VPS13B: variants seen among roughly 807,000 people sequenced by gnomAD.
VPS13B encodes the protein intermembrane lipid transfer protein VPS13B.
In VPS13B, 285 loss-of-function variants were observed where a neutral mutation model predicts 426.4. That is an observed-to-expected ratio of 0.67 (90% CI 0.61 to 0.74). The LOEUF (loss-of-function observed/expected upper bound fraction) is 0.74. VPS13B is among the 30% of genes least tolerant of loss of function. VPS13B has a pLI of 0.00. For missense variants in VPS13B, 4,537 were observed against 4,782.6 expected (o/e 0.95, Z 1.51); for synonymous variants, 1,676 against 1,676.4 (o/e 1.00, Z 0.01).
chr8:99,445,560 A>G (rs1039573517), intron 23 of VPS13B, among the ~76,000 whole-genome samples: 2 of 150,626 alleles, frequency 1.3e-5, no homozygotes, highest in African/African-American at 4.8e-5. Flanking sequence ...ATATGTAAAT[A>G]TAAACATAAT....
rs1374233787 is a variant in VPS13B, at chr8:99,511,368, A to C, written c.4489A>C (p.Thr1497Pro). The C allele has an allele frequency of 1.9e-6, 3 of 1,613,958 alleles. No homozygotes were observed. The highest frequency in any genetic ancestry group is 1.7e-6 in the Non-Finnish European group (2 of 1,179,974). ...TATATTTCAAGCAAAACTACCAAAGACCCAAAAAGAGAAAAGAAAATCTCC... is the reference window on the plus strand; with the variant it reads ...TATATTTCAAGCAAAACTACCAAAGCCCCAAAAAGAGAAAAGAAAATCTCC... ...ASIFQAKLPK[T>P]QKEKRKSPGQ... The change falls in exon 29 of 62, where the codon ACC becomes CCC. Residue 1497 changes from threonine to proline, a missense_variant. By Grantham distance (38) the Thr-to-Pro change is conservative. This residue lies in a region of VPS13B where 4,311 missense variants were observed against 4,474.3 expected (regional missense o/e 0.96). Coordinates refer to ENST00000357162, the MANE Select transcript of VPS13B (RefSeq NM_152564.5).
chr8:99,660,695 A>T (rs1250485823), intron 34 of VPS13B, among the ~76,000 whole-genome samples: 1 of 152,068 alleles, frequency 6.6e-6, no homozygotes, highest in Non-Finnish European at 1.5e-5. Flanking sequence ...AAAAATATAC[A>T]ATATTACCCA....
intron 39 of VPS13B, among the ~76,000 whole-genome samples, chr8:99,758,710 T>C (rs1235063870): frequency 6.6e-6 from 1 of 152,178 alleles, no homozygotes; most frequent in Non-Finnish European, 1.5e-5. Flanking sequence ...GTCTAGATAC[T>C]GTACCTACTC....
chr8:99,080,785 G>T (rs1411536583), intron 3 of VPS13B, among the ~76,000 whole-genome samples: 1 of 152,130 alleles, frequency 6.6e-6, no homozygotes, highest in African/African-American at 2.4e-5. Flanking sequence ...TTCCTTAGCT[G>T]TCTTAGCATT....
intron 3 of VPS13B, among the ~76,000 whole-genome samples, chr8:99,047,065 T>A (rs1475470549): frequency 2.6e-5 from 4 of 152,202 alleles, no homozygotes; most frequent in Non-Finnish European, 5.9e-5. Context: ...GAGGATTCCC[T>A]CTTTCTCTAT....
chr8:99,323,508 C>A (rs1810092255), intron 19 of VPS13B, among the ~76,000 whole-genome samples: 1 of 152,100 alleles, frequency 6.6e-6, no homozygotes, highest in South Asian at 2.1e-4. Flanking sequence ...GGCTTATTAA[C>A]CATCTCAAAG....
intron 23 of VPS13B, among the ~76,000 whole-genome samples, chr8:99,444,332 C>T (rs780124980): frequency 1.3e-5 from 2 of 152,074 alleles, no homozygotes; most frequent in African/African-American, 4.8e-5. Context: ...CTCCTGACCT[C>T]GTGATCCACC....
At chr8:99,067,982 C>G (rs1288837113) in intron 3 of VPS13B, among the ~76,000 whole-genome samples, 2 of 152,110 alleles carry the variant, frequency 1.3e-5, no homozygotes, top group Non-Finnish European at 2.9e-5. Context: ...ATCATGTTGG[C>G]TAGATTTCGC....
At chr8:99,318,999 T>G (rs1185179146) in intron 19 of VPS13B, among the ~76,000 whole-genome samples, 3 of 152,218 alleles carry the variant, frequency 2.0e-5, no homozygotes, top group East Asian at 1.9e-4. Flanking sequence ...TTATGTCCCT[T>G]TACTATCTTG....
intron 23 of VPS13B, among the ~76,000 whole-genome samples, chr8:99,448,518 G>A (rs1228842852): frequency 6.6e-6 from 1 of 152,016 alleles, no homozygotes; most frequent in African/African-American, 2.4e-5. Flanking sequence ...TGATGCATAC[G>A]TGTTAAAAGT....
At chr8:99,598,177 A>G (rs568772876) in intron 33 of VPS13B, among the ~76,000 whole-genome samples, 3 of 152,042 alleles carry the variant, frequency 2.0e-5, no homozygotes, top group Non-Finnish European at 4.4e-5. Flanking sequence ...TGACTTAAAC[A>G]GGTGTGCCTG....
chr8:99,214,607 A>G (rs1563607789), intron 17 of VPS13B, among the ~76,000 whole-genome samples: 2 of 152,148 alleles, frequency 1.3e-5, no homozygotes, highest in African/African-American at 4.8e-5. Flanking sequence ...ATATTAATTG[A>G]TACTTTTTAC....
rs190928669 is a variant in VPS13B at position 99,622,776 on chromosome 8, A to G, written c.5221-19035A>G. Among the ~76,000 whole-genome samples the G allele has an allele frequency of 9.4e-4, 143 of 152,296 alleles. 1 individual carries two copies. The highest frequency in any genetic ancestry group is 3.4e-3 in the African/African-American group (140 of 41,560). On this transcript the variant is annotated intron_variant, in intron 33 of 61. Coordinates refer to ENST00000357162, the MANE Select transcript of VPS13B (RefSeq NM_152564.5). Reference sequence around the variant, plus strand: ...CCTTTTCCAGTTGCTAAGGCCAAATATGAGTTTATACTCACCTCCTGTTTC... The same window carrying G: ...CCTTTTCCAGTTGCTAAGGCCAAATGTGAGTTTATACTCACCTCCTGTTTC...
chr8:99,249,774 C>T (rs1817407977), intron 17 of VPS13B, among the ~76,000 whole-genome samples: 2 of 152,150 alleles, frequency 1.3e-5, no homozygotes, highest in Admixed American at 1.3e-4. Context: ...GGCATGATGG[C>T]TCATGCCTGT....
chr8:99,827,411 T>C (rs909783618), intron 51 of VPS13B, among the ~76,000 whole-genome samples: 4 of 152,120 alleles, frequency 2.6e-5, no homozygotes, highest in African/African-American at 9.7e-5. Context: ...GGATCAGTGG[T>C]GAGCTCCCCT....
chr8:99,397,444 G>A (rs546180578), intron 21 of VPS13B, among the ~76,000 whole-genome samples: 1 of 152,246 alleles, frequency 6.6e-6, no homozygotes, highest in East Asian at 1.9e-4. Flanking sequence ...CATCTGGCCT[G>A]AGTAGAATAT....
chr8:99,346,925 C>T (rs1811571913), intron 19 of VPS13B: 1 of 152,516 alleles, frequency 6.6e-6, no homozygotes, highest in South Asian at 2.1e-4. Context: ...AAGGCTTGGG[C>T]CTCAGGTTTG....
chr8:99,216,386 A>G (rs1215859744), intron 17 of VPS13B, among the ~76,000 whole-genome samples: 1 of 151,958 alleles, frequency 6.6e-6, no homozygotes, highest in Admixed American at 6.6e-5. Flanking sequence ...CTCTCCTCCC[A>G]TGTCTCTTAG....
chr8:99,481,004 A>G (rs1475397698), intron 24 of VPS13B, among the ~76,000 whole-genome samples: 1 of 152,168 alleles, frequency 6.6e-6, no homozygotes. Context: ...CAGTCAAACA[A>G]TGTGCAAATT....
Sources: allele counts gnomAD v4.1 joint callset (sites outside exome capture counted in the v4.1 genomes callset), GRCh38; gene constraint gnomAD v4.1.1; regional missense constraint gnomAD v4.1.1; transcripts MANE v1.5; gene names NCBI Gene and HGNC (gene_info 2026-07-23, HGNC 2026-07-21).